The following FGF1 variants were observed in gnomAD, a reference collection of about 807,000 sequenced individuals.
The protein encoded by FGF1 is fibroblast growth factor 1, also known as beta-endothelial cell growth factor.
Under a neutral mutation model 13.4 loss-of-function variants are expected in FGF1, and 9 were observed. The ratio of observed to expected loss-of-function variants is 0.67; its 90% CI spans 0.40 to 1.17. FGF1 has a LOEUF of 1.17. FGF1 is among the 50% of genes most tolerant of loss of function. FGF1 has a pLI of 0.01. For missense variants in FGF1, 156 were observed against 192.7 expected (o/e 0.81, Z 1.13); for synonymous variants, 93 against 79.0 (o/e 1.18, Z -0.94).
chr5:142,673,878 C>G (rs1247878030), intron 1 of FGF1, among the ~76,000 whole-genome samples: 1 of 152,214 alleles, frequency 6.6e-6, no homozygotes, highest in Non-Finnish European at 1.5e-5. Flanking sequence ...GCACTCAGAA[C>G]AAAGCCCCAA....
chr5:142,660,049 C>T (rs1458075515), intron 1 of FGF1, among the ~76,000 whole-genome samples: 1 of 152,252 alleles, frequency 6.6e-6, no homozygotes, highest in African/African-American at 2.4e-5. Context: ...GGTCCATAAA[C>T]AGGCCATGGG....
intron 1 of FGF1, among the ~76,000 whole-genome samples, chr5:142,617,835 C>T (rs574260933): frequency 1.3e-5 from 2 of 152,174 alleles, no homozygotes; most frequent in African/African-American, 4.8e-5. Context: ...ATAGTTTGAG[C>T]GGTAGTTGGT....
chr5:142,670,990 C>T (rs532532936), intron 1 of FGF1, among the ~76,000 whole-genome samples: 2 of 152,318 alleles, frequency 1.3e-5, no homozygotes, highest in South Asian at 4.1e-4. Flanking sequence ...GAAATCTCTA[C>T]ACAATTCCAC....
At chr5:142,652,233 A>G (rs1767390974) in intron 1 of FGF1, among the ~76,000 whole-genome samples, 1 of 152,242 alleles carries the variant, frequency 6.6e-6, no homozygotes, top group Non-Finnish European at 1.5e-5. Context: ...GTGTTTGCAC[A>G]TAGTAAAAAC....
At chr5:142,681,693 T>A (rs947191284) in intron 1 of FGF1, among the ~76,000 whole-genome samples, 1 of 152,124 alleles carries the variant, frequency 6.6e-6, no homozygotes, top group Non-Finnish European at 1.5e-5. Context: ...ATACAGCCTA[T>A]CAGTGAGGAG....
Position 142,682,723 on chromosome 5 carries a change from C to T in FGF1, c.-35+3234G>A, listed in dbSNP as rs962104074. Among the ~76,000 whole-genome samples, 7 of 152,286 alleles carry T rather than the reference C, an allele frequency of 4.6e-5. No individual in the cohort carries two copies. In the Middle Eastern group the frequency reaches 0.01, roughly 222 times the overall value. The stretch of plus-strand genomic sequence containing the variant: ...GTTAAAGACAGAGAAATGTTTTAAG[C>T]AGTTAGCATTGGCACCAGGATTCTT... On this transcript the variant is annotated intron_variant, in intron 1 of 3. Transcript: ENST00000337706.
At chr5:142,659,322 G>C (rs974113356) in intron 1 of FGF1, among the ~76,000 whole-genome samples, 2 of 150,424 alleles carry the variant, frequency 1.3e-5, no homozygotes, top group African/African-American at 4.9e-5. Context: ...TCTGCCTCCC[G>C]GGTTCAAGCG....
chr5:142,688,566 A>G (rs1440521925), upstream of FGF1, among the ~76,000 whole-genome samples: 1 of 152,234 alleles, frequency 6.6e-6, no homozygotes, highest in Non-Finnish European at 1.5e-5. Context: ...CAGAACATGT[A>G]ACAGAAATCA....
chr5:142,652,819 G>A (rs944937469), intron 1 of FGF1, among the ~76,000 whole-genome samples: 1 of 152,188 alleles, frequency 6.6e-6, no homozygotes, highest in Admixed American at 6.5e-5. Flanking sequence ...GCCAGGCCCC[G>A]GGCGGGCAGG....
At chr5:142,599,164 G>A (rs1017677082) in intron 3 of FGF1, among the ~76,000 whole-genome samples, 1 of 152,206 alleles carries the variant, frequency 6.6e-6, no homozygotes, top group Non-Finnish European at 1.5e-5. Flanking sequence ...GCAGAGGCGT[G>A]AGATTCAATC....
intron 1 of FGF1, among the ~76,000 whole-genome samples, chr5:142,648,903 A>T (rs1160561538): frequency 6.6e-6 from 1 of 152,102 alleles, no homozygotes; most frequent in Non-Finnish European, 1.5e-5. Context: ...GATGAGATGT[A>T]TGTGCTTATT....
At chr5:142,673,214 C>T (rs1414653858) in intron 1 of FGF1, among the ~76,000 whole-genome samples, 9 of 152,256 alleles carry the variant, frequency 5.9e-5, no homozygotes, top group African/African-American at 1.4e-4. Flanking sequence ...TGAGTGGCAT[C>T]ACTCAGTCAA....
chr5:142,658,415 A>C (rs1768563464), intron 1 of FGF1, among the ~76,000 whole-genome samples: 1 of 152,126 alleles, frequency 6.6e-6, no homozygotes, highest in Non-Finnish European at 1.5e-5. Context: ...GTTATTTCTC[A>C]CTGCCTAAAG....
intron 2 of FGF1, among the ~76,000 whole-genome samples, chr5:142,607,369 A>G (rs1317090211): frequency 1.3e-5 from 2 of 152,202 alleles, no homozygotes; most frequent in Non-Finnish European, 2.9e-5. Flanking sequence ...AGGAGTTGCT[A>G]TCTATGAACA....
chr5:142,633,127 GC>G (rs1372647825), intron 1 of FGF1, among the ~76,000 whole-genome samples: 2 of 151,952 alleles, frequency 1.3e-5, no homozygotes, highest in African/African-American at 4.8e-5. Context: ...CACCATCTTG[GC>G]CAAGAAGGTC....
In FGF1 at chr5:142,595,311, G is replaced by C. The variant is rs1755023011; in HGVS notation, c.447C>G (p.Pro149=). Residue 149 remains proline, a synonymous_variant, in exon 4 of 4, where the codon CCC becomes CCG. Transcript: ENST00000337706. Reference sequence around the variant, plus strand: ...CTCTTTAATCAGAAGAGACTGGCAGGGGGAGAAACAAGATTGCTTTCTGGC... The same window carrying C: ...CTCTTTAATCAGAAGAGACTGGCAGCGGGAGAAACAAGATTGCTTTCTGGC... ...HYGQKAILFL[P]LPVSSD 1 of 1,613,906 alleles carries C rather than the reference G, an allele frequency of 6.2e-7. No homozygotes were observed. Among genetic ancestry groups the C allele is most frequent in the African/African-American group, 1.3e-5 (1 of 75,032 alleles).
chr5:142,612,839 C>CTG (rs1314633200), intron 2 of FGF1, among the ~76,000 whole-genome samples: 3 of 152,164 alleles, frequency 2.0e-5, no homozygotes. Context: ...TCCCCATTAC[C>CTG]TGTGCATCTG....
rs1303387775 is a variant in FGF1, at chr5:142,594,966, G to GC, written c.*323dup. 2 of 241,018 alleles carry GC rather than the reference G, an allele frequency of 8.3e-6. No individual in the cohort carries two copies. The highest frequency in any genetic ancestry group is 5.2e-5 in the Admixed American group (1 of 19,340). The allele number at this position is 241,018 out of a possible 1,614,324, so 14.9% of individuals were successfully genotyped here. ...TGTGCAGTTACTAATGTCCCACTTA[G>GC]CCGACCCCTTAACACACTTCATTTA... On this transcript the variant is annotated 3_prime_UTR_variant, in exon 4 of 4. Coordinates refer to ENST00000337706, the MANE Select transcript of FGF1 (RefSeq NM_000800.5).
intron 1 of FGF1, among the ~76,000 whole-genome samples, chr5:142,649,757 A>G (rs1766874103): frequency 6.6e-6 from 1 of 152,170 alleles, no homozygotes; most frequent in South Asian, 2.1e-4. Flanking sequence ...TGCCATGATC[A>G]TCTTTATCCA....
Sources: allele counts gnomAD v4.1 joint callset (sites outside exome capture counted in the v4.1 genomes callset), GRCh38; gene constraint gnomAD v4.1.1; transcripts MANE v1.5; gene names NCBI Gene and HGNC (gene_info 2026-07-23, HGNC 2026-07-21).